Variants in LOXL2 observed in about 807,000 individuals in gnomAD.
LOXL2 encodes lysyl oxidase like 2, also known as lysyl oxidase homolog 2.
A neutral mutation model predicts 93.0 loss-of-function variants in LOXL2; 70 were observed. The observed-to-expected ratio is 0.75, with a 90% CI of 0.62 to 0.92. LOXL2 has a LOEUF of 0.92. LOXL2 is among the 40% of genes least tolerant of loss of function. The probability of loss-of-function intolerance (pLI) is 0.00; values close to 1 mark genes in which losing one functional copy is unlikely to be tolerated. For missense variants in LOXL2, 973 were observed against 1,054.9 expected (o/e 0.92, Z 1.08); for synonymous variants, 438 against 413.2 (o/e 1.06, Z -0.73).
At chr8:23,403,746 A>G (rs1470849567) in intron 1 of LOXL2, among the ~76,000 whole-genome samples, 1 of 151,716 alleles carries the variant, frequency 6.6e-6, no homozygotes, top group Non-Finnish European at 1.5e-5. Flanking sequence ...GGCCCGTACG[A>G]GGTGGGGTTG....
chr8:23,366,417 T>A (rs750405470), intron 2 of LOXL2, among the ~76,000 whole-genome samples: 1 of 152,216 alleles, frequency 6.6e-6, no homozygotes, highest in Non-Finnish European at 1.5e-5. Flanking sequence ...GGAGGTGAGA[T>A]GTGTATGAGA....
chr8:23,317,867 G>A (rs376610195), intron 8 of LOXL2, among the ~76,000 whole-genome samples: 8 of 150,984 alleles, frequency 5.3e-5, no homozygotes, highest in South Asian at 4.3e-4. Context: ...CAGGTCTCTC[G>A]GGCTTGGAGG....
At chr8:23,371,579 C>G (rs972158063) in intron 1 of LOXL2, among the ~76,000 whole-genome samples, 4 of 151,382 alleles carry the variant, frequency 2.6e-5, no homozygotes, top group African/African-American at 9.7e-5. Flanking sequence ...GGTGAAACCC[C>G]GTCTCTACTA....
rs139591320 is a variant in LOXL2 at position 23,329,913 on chromosome 8, CT to C, written c.967-1349del. On this transcript the variant is annotated intron_variant, in intron 5 of 13. Coordinates refer to ENST00000389131, the MANE Select transcript of LOXL2 (RefSeq NM_002318.3). ...GGGCTGGCCATGGCATGGTGGGGTG[CT>C]GGGACAGCACCCAGATTTACAGACC... Among the ~76,000 whole-genome samples the C allele has an allele frequency of 8.9e-4, 135 of 152,318 alleles. No homozygotes were observed. The East Asian group carries it at 0.018, about 20-fold the overall frequency.
intron 5 of LOXL2, among the ~76,000 whole-genome samples, chr8:23,330,736 A>C (rs531287369): frequency 6.9e-6 from 1 of 144,728 alleles, no homozygotes; most frequent in East Asian, 2.1e-4. Context: ...GAAAGCTCAG[A>C]GGCTCAGGCT....
intron 5 of LOXL2, among the ~76,000 whole-genome samples, chr8:23,329,617 A>G (rs753347643): frequency 3.9e-5 from 6 of 152,188 alleles, no homozygotes; most frequent in South Asian, 2.1e-4. Flanking sequence ...TCAGAAGCCT[A>G]TGAGGCTCTC....
chr8:23,383,636 G>A (rs1289478337), intron 1 of LOXL2, among the ~76,000 whole-genome samples: 1 of 145,780 alleles, frequency 6.9e-6, no homozygotes, highest in Non-Finnish European at 1.5e-5. Context: ...TTCTAAGAGG[G>A]CACTTTTACG....
At chr8:23,329,274 T>G (rs1803636327) in intron 5 of LOXL2, among the ~76,000 whole-genome samples, 2 of 152,142 alleles carry the variant, frequency 1.3e-5, no homozygotes, top group Admixed American at 1.3e-4. Flanking sequence ...CCTCCCTCAA[T>G]TTGACTCCAA....
chr8:23,403,446 G>C (rs1467916751), intron 1 of LOXL2, among the ~76,000 whole-genome samples: 2 of 152,026 alleles, frequency 1.3e-5, no homozygotes, highest in African/African-American at 2.4e-5. Flanking sequence ...ACAGCTCCCG[G>C]GCGCAGCCCC....
intron 2 of LOXL2, among the ~76,000 whole-genome samples, chr8:23,367,317 G>T (rs1446976828): frequency 6.6e-6 from 1 of 152,122 alleles, no homozygotes; most frequent in East Asian, 1.9e-4. Context: ...CCAAAGTGCT[G>T]GGATTACAGG....
intron 1 of LOXL2, 62 bp from the exon 2 acceptor site, chr8:23,368,496 A>C: frequency 1.5e-6 from 1 of 676,384 alleles, no homozygotes; most frequent in Non-Finnish European, 2.6e-6. Context: ...TACATAGAGA[A>C]CCAGCGATTT....
intron 3 of LOXL2, among the ~76,000 whole-genome samples, chr8:23,354,930 G>T (rs540203496): frequency 3.7e-5 from 3 of 81,808 alleles, no homozygotes; most frequent in Non-Finnish European, 4.4e-5. Context: ...TCTGGGAGTT[G>T]GAATATATAT....
chr8:23,331,671 CAAG>C (rs1169169976), intron 5 of LOXL2: 1 of 152,194 alleles, frequency 6.6e-6, no homozygotes, highest in Non-Finnish European at 1.5e-5. Flanking sequence ...AAAAGCGAAT[CAAG>C]AAGAGACAGA....
chr8:23,328,404 G>A lies in LOXL2; in HGVS notation c.1128C>T (p.Val376=), dbSNP rs1220673865. The change falls in exon 6 of 14, where the codon GTC becomes GTT. Residue 376 remains valine (V), a synonymous_variant. Coordinates refer to ENST00000389131, the MANE Select transcript of LOXL2 (RefSeq NM_002318.3). Reference sequence around the variant, plus strand: ...TACCTTGCCCCAGTCGGGAGCCAGTGACTGCCTCTTTGGCACTCCCAAAGC... The same window carrying A: ...TACCTTGCCCCAGTCGGGAGCCAGTAACTGCCTCTTTGGCACTCCCAAAGC... ...ELGFGSAKEA[V]TGSRLGQGIG... is the part of the protein sequence containing the mutation. The A allele has an allele frequency of 6.2e-7, 1 of 1,613,848 alleles. No individual in the cohort carries two copies. Among genetic ancestry groups the A allele is most frequent in the East Asian group, 2.2e-5 (1 of 44,870 alleles).
intron 8 of LOXL2, 128 bp from the exon 9 acceptor site, chr8:23,317,242 C>T (rs536996583): frequency 2.0e-5 from 19 of 969,512 alleles, no homozygotes; most frequent in Middle Eastern, 2.1e-4. Context: ...CGAAACAGCA[C>T]GGAGGGTCAC....
chr8:23,393,771 T>C (rs1800049614), intron 1 of LOXL2, among the ~76,000 whole-genome samples: 1 of 152,072 alleles, frequency 6.6e-6, no homozygotes, highest in African/African-American at 2.4e-5. Context: ...AGGGCAGCAG[T>C]GGTGAGGGTG....
Position 23,316,973 on chromosome 8 carries a change from C to G in LOXL2, c.1612G>C (p.Gly538Arg). ...CTTTCTGAGCAGGCAACTCCGGCCCCGTACTGCACTCCGCCCTGGGGGCAG... is the reference window on the plus strand; with the variant it reads ...CTTTCTGAGCAGGCAACTCCGGCCCGGTACTGCACTCCGCCCTGGGGGCAG... ...VACPQGGVQY[G>R]AGVACSETAP... is the part of the protein sequence containing the mutation. The change falls in exon 9 of 14, where the codon GGG becomes CGG. Residue 538 changes from glycine to arginine, a missense_variant. Gly to Arg is a moderately radical substitution (Grantham distance 125). Transcript: ENST00000389131. 1 of 1,610,050 alleles carries G rather than the reference C, an allele frequency of 6.2e-7. No individual in the cohort carries two copies. Among genetic ancestry groups the G allele is most frequent in the South Asian group, 1.1e-5 (1 of 90,812 alleles).
At chr8:23,342,142 G>A (rs1803891933) in intron 3 of LOXL2, among the ~76,000 whole-genome samples, 1 of 152,216 alleles carries the variant, frequency 6.6e-6, no homozygotes, top group Admixed American at 6.5e-5. Flanking sequence ...CTCCCTCGAC[G>A]TGGAGCTGAA....
At chr8:23,366,726 C>G (rs1804407385) in intron 2 of LOXL2, among the ~76,000 whole-genome samples, 1 of 152,212 alleles carries the variant, frequency 6.6e-6, no homozygotes, top group Non-Finnish European at 1.5e-5. Context: ...GTGCTGAGGT[C>G]TGGGCTGCAG....
Sources: gnomAD v4.1 joint callset for allele counts (sites outside exome capture counted in the v4.1 genomes callset) on GRCh38, gnomAD v4.1.1 for gene constraint, MANE v1.5 for transcripts, NCBI Gene and HGNC (gene_info 2026-07-23, HGNC 2026-07-21) for gene names.